ERG: variants seen among roughly 807,000 people sequenced by gnomAD.
ERG encodes transcriptional regulator ERG.
A neutral mutation model predicts 55.3 loss-of-function variants in ERG; 9 were observed. The observed-to-expected ratio is 0.16, with a 90% confidence interval of 0.10 to 0.28. The LOEUF (loss-of-function observed/expected upper bound fraction) is 0.28, where lower values mean the gene tolerates loss of function less well. Ranked by LOEUF, ERG falls within the 10% of genes least tolerant of loss-of-function variation. The pLI is 1.00. For synonymous variants in ERG, 223 were observed against 237.3 expected, an observed-to-expected ratio of 0.94 and a Z score of 0.55; for missense variants, 434 against 631.6, an observed-to-expected ratio of 0.69 and a Z score of 3.35.
intron 2 of ERG, among the ~76,000 whole-genome samples, chr21:38,425,568 T>C (rs139229841): frequency 1.3e-5 from 2 of 152,354 alleles, no homozygotes; most frequent in East Asian, 3.9e-4. Context: ...GGGTCTGTTG[T>C]CTAAGGCGGA....
downstream of ERG, among the ~76,000 whole-genome samples, chr21:38,379,442 C>T (rs1987330463): frequency 6.6e-6 from 1 of 152,198 alleles, no homozygotes; most frequent in Non-Finnish European, 1.5e-5. Flanking sequence ...TGCCTACCTA[C>T]TATTTCTGTA....
At chr21:38,475,838 C>G (rs368262846) in intron 1 of ERG, among the ~76,000 whole-genome samples, 1 of 152,158 alleles carries the variant, frequency 6.6e-6, no homozygotes, top group East Asian at 1.9e-4. Flanking sequence ...TCATGCCCCT[C>G]AGCACCCATG....
At chr21:38,459,981 G>A (rs571648298) in intron 1 of ERG, among the ~76,000 whole-genome samples, 1 of 152,330 alleles carries the variant, frequency 6.6e-6, no homozygotes, top group African/African-American at 2.4e-5. Flanking sequence ...TGATAAGTAT[G>A]AAGAAACAGA....
intron 2 of ERG, among the ~76,000 whole-genome samples, chr21:38,442,328 G>C (rs115754722): frequency 0.065 from 9,949 of 152,270 alleles, 380 homozygotes; most frequent in South Asian, 0.11. Flanking sequence ...CCGGGGGGTG[G>C]AGGTTGCAGT....
At chr21:38,651,571 C>T (rs191807590) in intron 1 of ERG, among the ~76,000 whole-genome samples, 14 of 152,324 alleles carry the variant, frequency 9.2e-5, no homozygotes, top group African/African-American at 3.1e-4. Context: ...GTAGTATTTT[C>T]AGCATGTGTT....
At chr21:38,448,005 TA>T (rs10719445) in intron 1 of ERG, among the ~76,000 whole-genome samples, 37,184 of 152,062 alleles carry the variant, frequency 0.24, 4,629 homozygotes, top group South Asian at 0.3. Flanking sequence ...AACTTTAAAG[TA>T]TTAGTATTTC....
At chr21:38,555,348 T>C (rs1025403570) in intron 2 of ERG, among the ~76,000 whole-genome samples, 3 of 151,734 alleles carry the variant, frequency 2.0e-5, no homozygotes, top group Non-Finnish European at 2.9e-5. Flanking sequence ...ATTAAGAAAC[T>C]ATATATTGAA....
intron 1 of ERG, among the ~76,000 whole-genome samples, chr21:38,619,688 T>A (rs2060278848): frequency 6.6e-6 from 1 of 152,260 alleles, no homozygotes; most frequent in Non-Finnish European, 1.5e-5. Flanking sequence ...TACGGCTTCA[T>A]AAATTAGCTA....
Position 38,380,165 on chromosome 21 carries a change from G to T in ERG, c.*3238C>A. On this transcript the variant is annotated 3_prime_UTR_variant, in exon 10 of 10. Coordinates refer to ENST00000288319, the MANE Select transcript of ERG (RefSeq NM_182918.4). Reference sequence around the variant, plus strand: ...TTTCTTCTCTTTCTCCAGGCAATGGGTCACTTTGGGGCGCTGCAGAACATC... The same window carrying T: ...TTTCTTCTCTTTCTCCAGGCAATGGTTCACTTTGGGGCGCTGCAGAACATC... 9.6e-7 allele frequency: 1 copy of T among 1,045,342 alleles called. No individual in the cohort carries two copies. Among genetic ancestry groups the T allele is most frequent in the South Asian group, 4.6e-5 (1 of 21,782 alleles). The allele number at this position is 1,045,342 out of a possible 1,614,324, so 64.8% of individuals were successfully genotyped here. A position where few individuals can be genotyped will look rare whatever the true frequency, so the allele number is the denominator to read the frequency against.
intron 3 of ERG, among the ~76,000 whole-genome samples, chr21:38,423,084 A>AGTGT (rs71184624): frequency 0.15 from 21,658 of 144,252 alleles, 1,765 homozygotes; most frequent in African/African-American, 0.23. Context: ...CTCCATACGT[A>AGTGT]GTGTGTGTGT....
At chr21:38,441,897 C>T (rs1235835757) in intron 2 of ERG, among the ~76,000 whole-genome samples, 5 of 152,226 alleles carry the variant, frequency 3.3e-5, no homozygotes, top group Admixed American at 3.3e-4. Context: ...ATGAACAGCA[C>T]CTGCCAAACC....
intron 1 of ERG, chr21:38,575,786 A>G (rs1415787380): frequency 2.8e-6 from 4 of 1,432,518 alleles, no homozygotes; most frequent in Non-Finnish European, 3.9e-6. Flanking sequence ...ATAATAAACA[A>G]CTGCATTTCT....
At chr21:38,634,670 T>G (rs577750697) in intron 1 of ERG, among the ~76,000 whole-genome samples, 2 of 152,346 alleles carry the variant, frequency 1.3e-5, no homozygotes, top group East Asian at 3.9e-4. Context: ...AGACCCAATA[T>G]TCCATTGTTT....
Position 38,602,546 on chromosome 21 carries a change from G to A in ERG, c.-149-17601C>T, listed in dbSNP as rs140828735. The stretch of plus-strand genomic sequence containing the variant: ...CTTGATAAATGTGGACTTTAACGGG[G>A]CAGGGGATAAGGAAGGGAAATGCAG... On this transcript the variant is annotated intron_variant, in intron 1 of 10. Coordinates refer to the ERG transcript ENST00000398910. 2.5e-3 allele frequency among the ~76,000 whole-genome samples: 387 copies of A among 152,088 alleles called. 5 individuals carry two copies. The highest frequency in any genetic ancestry group is 8.7e-3 in the African/African-American group (358 of 41,384).
At chr21:38,559,994 T>C (rs2059883214) in intron 2 of ERG, among the ~76,000 whole-genome samples, 2 of 152,214 alleles carry the variant, frequency 1.3e-5, no homozygotes, top group Admixed American at 1.3e-4. Context: ...CATCTTTTCT[T>C]TAACATTACA....
In ERG at chr21:38,525,892, A is replaced by T. The variant is rs1485680901; in HGVS notation, c.-41+49770T>A. Among the ~76,000 whole-genome samples the T allele has an allele frequency of 2.6e-5, 4 of 152,256 alleles. No homozygotes were observed. In the South Asian group the frequency reaches 6.2e-4, roughly 24 times the overall value. On this transcript the variant is annotated intron_variant, in intron 2 of 8. Transcript: ENST00000398897. ...AATGGGCCAATGAGAGCTCTGAACAAAACATTAAGCTTGTTTTTCTTTAAG... is the reference window on the plus strand; with the variant it reads ...AATGGGCCAATGAGAGCTCTGAACATAACATTAAGCTTGTTTTTCTTTAAG...
intron 2 of ERG, among the ~76,000 whole-genome samples, chr21:38,508,891 C>T (rs2059489983): frequency 6.6e-6 from 1 of 152,174 alleles, no homozygotes; most frequent in African/African-American, 2.4e-5. Flanking sequence ...GAGCTTCCAC[C>T]TGATTTTCTT....
chr21:38,382,235 G>T lies in ERG; in HGVS notation c.*1168C>A. On this transcript the variant is annotated 3_prime_UTR_variant, in exon 10 of 10. Coordinates refer to ENST00000288319, the MANE Select transcript of ERG (RefSeq NM_182918.4). ...AAGTTATATAATTATTATATAAAAAGGGGGAAAAACATTGACTTGTATACT... is the reference window on the plus strand; with the variant it reads ...AAGTTATATAATTATTATATAAAAATGGGGAAAAACATTGACTTGTATACT... 9.5e-7 allele frequency: 1 copy of T among 1,049,076 alleles called. No individual in the cohort carries two copies. Among genetic ancestry groups the T allele is most frequent in the Non-Finnish European group, 1.2e-6 (1 of 868,548 alleles). The allele number at this position is 1,049,076 out of a possible 1,614,324, so 65.0% of individuals were successfully genotyped here.
chr21:38,651,810 A>T (rs2146986721), intron 1 of ERG, among the ~76,000 whole-genome samples: 1 of 152,254 alleles, frequency 6.6e-6, no homozygotes, highest in South Asian at 2.1e-4. Context: ...CCATGGGTGG[A>T]TCTCAGCATC....
Sources: allele counts gnomAD v4.1 joint callset (sites outside exome capture counted in the v4.1 genomes callset), GRCh38; gene constraint gnomAD v4.1.1; transcripts MANE v1.5; gene names NCBI Gene and HGNC (gene_info 2026-07-23, HGNC 2026-07-21).